AAGAB: variants seen among roughly 807,000 people sequenced by gnomAD.
AAGAB encodes the protein alpha and gamma adaptin binding protein, also known as alpha- and gamma-adaptin-binding protein p34.
Under a neutral mutation model 44.1 loss-of-function variants are expected in AAGAB, and 38 were observed. That is an observed-to-expected ratio of 0.86 (90% CI 0.67 to 1.13). The LOEUF is 1.13. AAGAB is among the 50% of genes most tolerant of loss of function. AAGAB has a pLI of 0.00. For synonymous variants in AAGAB, 131 were observed against 131.8 expected, an observed-to-expected ratio of 0.99 and a Z score of 0.04; for missense variants, 450 against 373.8, an observed-to-expected ratio of 1.20 and a Z score of -1.68.
chr15:67,209,802 G>A lies in AAGAB; in HGVS notation c.536-258C>T, dbSNP rs531777334. The stretch of plus-strand genomic sequence containing the variant: ...TGAGTAGGTGGGAATACAGGTGCCT[G>A]CCACTGTGCCTGGCTATTTTTTTTT... On this transcript the variant is annotated intron_variant, in intron 5 of 9. Coordinates refer to ENST00000261880, the MANE Select transcript of AAGAB (RefSeq NM_024666.5). Among the ~76,000 whole-genome samples, 16 of 152,182 alleles carry A rather than the reference G, an allele frequency of 1.1e-4. No individual in the cohort carries two copies. The East Asian group carries it at 2.7e-3, about 26-fold the overall frequency.
At position 67,251,609 on chromosome 15, in the gene AAGAB, G is replaced by C. The variant is rs568077568; in HGVS notation, c.73+2950C>G. Among the ~76,000 whole-genome samples, 4 of 152,218 alleles carry C rather than the reference G, an allele frequency of 2.6e-5. No homozygotes were observed. The East Asian group carries it at 7.7e-4, about 29-fold the overall frequency. ...TACTTGGTTATATTTCCCACTGGTG[G>C]TTAAAAGCACTAAGATAGATCAGAT... On this transcript the variant is annotated intron_variant, in intron 1 of 9. Coordinates refer to ENST00000261880, the MANE Select transcript of AAGAB (RefSeq NM_024666.5).
rs184310142 is a variant in AAGAB at position 67,200,861 on chromosome 15, C to G, written c.*1960G>C. Among the ~76,000 whole-genome samples the G allele has an allele frequency of 6.6e-6, 1 of 152,292 alleles. No homozygotes were observed. The highest frequency in any genetic ancestry group is 1.9e-4 in the East Asian group (1 of 5,192). On this transcript the variant is annotated 3_prime_UTR_variant, in exon 10 of 10. Transcript: ENST00000261880. The stretch of plus-strand genomic sequence containing the variant: ...GCCAATATCCCTGCATAGCTGAGGT[C>G]TTAAAAACATGACATTACATATGCA...
rs1963584526 is a variant in AAGAB at position 67,202,201 on chromosome 15, A to G, written c.*620T>C. Reference sequence around the variant, plus strand: ...TCCTTTGCCTCATTTATTACAGTCTAAAAATCCACACTGGCTTTTTGATTC... The same window carrying G: ...TCCTTTGCCTCATTTATTACAGTCTGAAAATCCACACTGGCTTTTTGATTC... On this transcript the variant is annotated 3_prime_UTR_variant, in exon 10 of 10. Coordinates refer to ENST00000261880, the MANE Select transcript of AAGAB (RefSeq NM_024666.5). The G allele has an allele frequency of 1.3e-5, 2 of 152,594 alleles. No homozygotes were observed. The highest frequency in any genetic ancestry group is 2.9e-5 in the Non-Finnish European group (2 of 68,232). 9.5% of individuals were successfully genotyped at this position (152,594 alleles called of 1,614,324 possible).
chr15:67,226,389 TG>T (rs1222164920), intron 5 of AAGAB, among the ~76,000 whole-genome samples: 7 of 152,200 alleles, frequency 4.6e-5, no homozygotes, highest in Non-Finnish European at 1.0e-4. Flanking sequence ...CCCAAAGTGC[TG>T]GGATTTCGGG....
chr15:67,236,410 T>C lies in AAGAB; in HGVS notation c.359A>G (p.Asp120Gly), dbSNP rs767024623. Residue 120 changes from aspartate (D) to glycine (G), a missense_variant and splice_region_variant, in exon 3 of 10, where the codon GAT becomes GGT. Coordinates refer to ENST00000261880, the MANE Select transcript of AAGAB (RefSeq NM_024666.5). Reference sequence around the variant, plus strand: ...ACTGTCCCATCCACAGGCCTTACCATCTTCAGACACTCTATCGCAGACCAA... The same window carrying C: ...ACTGTCCCATCCACAGGCCTTACCACCTTCAGACACTCTATCGCAGACCAA... ...MILVCDRVSE[D>G]GINRQKAQEW... 4 of 1,613,934 alleles carry C rather than the reference T, an allele frequency of 2.5e-6. No individual in the cohort carries two copies. In the South Asian group the frequency reaches 4.4e-5, roughly 18 times the overall value.
intron 5 of AAGAB, among the ~76,000 whole-genome samples, chr15:67,222,651 T>C (rs1465434314): frequency 6.6e-6 from 1 of 152,128 alleles, no homozygotes; most frequent in Non-Finnish European, 1.5e-5. Context: ...ACTTGTACAC[T>C]GGAGCCCATC....
At chr15:67,238,112 C>G (rs904001808) in intron 1 of AAGAB, among the ~76,000 whole-genome samples, 5 of 151,696 alleles carry the variant, frequency 3.3e-5, no homozygotes, top group African/African-American at 1.2e-4. Context: ...CTTTTTTTAG[C>G]AAAAAAATTA....
chr15:67,224,585 C>CTTTT (rs892410820), intron 5 of AAGAB, among the ~76,000 whole-genome samples: 2 of 138,836 alleles, frequency 1.4e-5, no homozygotes, highest in Non-Finnish European at 1.6e-5. Context: ...TTTTTCTTTT[C>CTTTT]TTTTTTTTTT....
Position 67,204,912 on chromosome 15 carries a change from C to G in AAGAB, c.716-764G>C, listed in dbSNP as rs137942491. Among the ~76,000 whole-genome samples the G allele has an allele frequency of 1.9e-3, 283 of 152,294 alleles. 1 individual carries two copies. The highest frequency in any genetic ancestry group is 5.2e-3 in the Admixed American group (79 of 15,300). On this transcript the variant is annotated intron_variant, in intron 7 of 9. Transcript: ENST00000261880. ...GTTTCCAGAACTGTCTTAGCACTTG[C>G]ATATATTACCTTGTATTCTAACATT...
intron 1 of AAGAB, among the ~76,000 whole-genome samples, chr15:67,238,938 G>A (rs1483341607): frequency 6.6e-6 from 1 of 152,018 alleles, no homozygotes; most frequent in African/African-American, 2.4e-5. Context: ...CTCGTGATCC[G>A]CCCGCCTCGG....
intron 1 of AAGAB, 158 bp downstream of exon 1, chr15:67,254,401 T>A (rs1333445136): frequency 7.0e-7 from 1 of 1,421,192 alleles, no homozygotes; most frequent in Non-Finnish European, 9.2e-7. Flanking sequence ...GATTAAGAGA[T>A]AGGGGCAGCC....
chr15:67,250,809 G>A (rs1438092749), intron 1 of AAGAB, among the ~76,000 whole-genome samples: 12 of 152,060 alleles, frequency 7.9e-5, no homozygotes, highest in African/African-American at 1.2e-4. Context: ...GGCAGATCAC[G>A]AGGTCAAGAG....
chr15:67,254,497 G>A (rs1390774247), intron 1 of AAGAB, 62 bp downstream of exon 1: 1 of 1,533,742 alleles, frequency 6.5e-7, no homozygotes, highest in East Asian at 2.4e-5. Flanking sequence ...CCGTGGTGCT[G>A]GGTCCGTCGC....
At chr15:67,227,664 C>A (rs1964235085) in intron 5 of AAGAB, among the ~76,000 whole-genome samples, 1 of 152,136 alleles carries the variant, frequency 6.6e-6, no homozygotes, top group African/African-American at 2.4e-5. Flanking sequence ...GGCACACAGA[C>A]GGATCACCAG....
intron 5 of AAGAB, among the ~76,000 whole-genome samples, chr15:67,224,475 T>C (rs1964152977): frequency 6.6e-6 from 1 of 152,180 alleles, no homozygotes; most frequent in Non-Finnish European, 1.5e-5. Flanking sequence ...AGAGGAGTTA[T>C]GAGAAGGAAC....
chr15:67,254,813 GC>G, upstream of AAGAB: 1 of 1,466,866 alleles, frequency 6.8e-7, no homozygotes, highest in Non-Finnish European at 9.4e-7. Flanking sequence ...GCGCGGTGTT[GC>G]CATGGGGACG....
intron 5 of AAGAB, among the ~76,000 whole-genome samples, chr15:67,222,139 CTT>C (rs1038795392): frequency 6.6e-6 from 1 of 152,068 alleles, no homozygotes; most frequent in African/African-American, 2.4e-5. Context: ...TAATTAATCT[CTT>C]ATATATACTA....
chr15:67,245,041 G>A (rs1964689011), intron 1 of AAGAB, among the ~76,000 whole-genome samples: 1 of 152,046 alleles, frequency 6.6e-6, no homozygotes, highest in African/African-American at 2.4e-5. Flanking sequence ...GGAGAAATTA[G>A]AATCCTCACT....
At chr15:67,212,113 C>A (rs1162090398) in intron 5 of AAGAB, among the ~76,000 whole-genome samples, 1 of 152,116 alleles carries the variant, frequency 6.6e-6, no homozygotes, top group Non-Finnish European at 1.5e-5. Flanking sequence ...GATCTCCTGA[C>A]CTCGTGATGC....
Sources: gnomAD v4.1 joint callset for allele counts (sites outside exome capture counted in the v4.1 genomes callset) on GRCh38, gnomAD v4.1.1 for gene constraint, MANE v1.5 for transcripts, NCBI Gene and HGNC (gene_info 2026-07-23, HGNC 2026-07-21) for gene names.